PREX1: variants seen among roughly 807,000 people sequenced by gnomAD.
PREX1 encodes phosphatidylinositol-3,4,5-trisphosphate dependent Rac exchange factor 1.
PREX1 carries 41 observed loss-of-function variants against 198.3 expected under a neutral mutation model. The ratio of observed to expected loss-of-function variants is 0.21; its 90% CI spans 0.16 to 0.27. PREX1 has a LOEUF of 0.27. Among genes scored for constraint, PREX1 ranks in the 10% least tolerant of loss-of-function variants. PREX1 has a pLI of 1.00. For synonymous variants in PREX1, 843 were observed against 887.2 expected (o/e 0.95, Z 0.89); for missense variants, 1,620 against 2,200.7 (o/e 0.74, Z 5.28).
the PREX1 span, among the ~76,000 whole-genome samples, chr20:48,877,634 T>A: frequency 2.6e-5 from 4 of 152,230 alleles, no homozygotes; most frequent in Admixed American, 2.6e-4. Context: ...GTAGGCCCCA[T>A]GTCCATTTCA....
intron 1 of PREX1, among the ~76,000 whole-genome samples, chr20:48,804,511 T>C (rs1433525481): frequency 2.3e-4 from 35 of 152,196 alleles, no homozygotes; most frequent in South Asian, 2.1e-4. Context: ...GGCAGGAGTG[T>C]GCTGGGCACT....
chr20:48,711,105 G>A (rs769593366), intron 5 of PREX1, among the ~76,000 whole-genome samples: 1 of 152,214 alleles, frequency 6.6e-6, no homozygotes, highest in Non-Finnish European at 1.5e-5. Flanking sequence ...ATATAAAGTG[G>A]GAAGACCAGT....
At chr20:48,631,559 G>T (rs1229242577) in intron 35 of PREX1, among the ~76,000 whole-genome samples, 1 of 152,216 alleles carries the variant, frequency 6.6e-6, no homozygotes, top group East Asian at 1.9e-4. Context: ...TGACAGCCCT[G>T]ATCAATCCAA....
Position 48,666,434 on chromosome 20 carries a change from C to T in PREX1, c.1666-79G>A. On this transcript the variant is annotated intron_variant, in intron 14 of 39. Transcript: ENST00000371941. This position sits in a 1 kb window ranked among gnomAD's most constrained non-coding sequence, Gnocchi z 4.3. ...GCATGGCCAACGAGAAGCCCACAAC[C>T]ACCCAAGAAGGTAGGCTCCACGAGG... 2 of 1,251,534 alleles carry T rather than the reference C, an allele frequency of 1.6e-6. No homozygotes were observed. Among genetic ancestry groups the T allele is most frequent in the African/African-American group, 1.5e-5 (1 of 67,660 alleles). 77.5% of individuals were successfully genotyped at this position (1,251,534 alleles called of 1,614,324 possible).
At chr20:48,867,589 T>C in the PREX1 span, among the ~76,000 whole-genome samples, 1 of 152,244 alleles carries the variant, frequency 6.6e-6, no homozygotes, top group African/African-American at 2.4e-5. Context: ...TAATTGTATA[T>C]AAAATTAGCT....
chr20:48,682,999 G>C (rs781487539), intron 10 of PREX1, among the ~76,000 whole-genome samples: 1 of 152,308 alleles, frequency 6.6e-6, no homozygotes, highest in South Asian at 2.1e-4. Context: ...CATTCAGAAT[G>C]CCCTGGCTGG....
At chr20:48,781,712 G>T (rs1188209204) in intron 1 of PREX1, among the ~76,000 whole-genome samples, 2 of 152,156 alleles carry the variant, frequency 1.3e-5, no homozygotes, top group African/African-American at 4.8e-5. Flanking sequence ...GGAATCCTGG[G>T]TAAGGGACTC....
Position 48,649,288 on chromosome 20 carries a change from G to A in PREX1, c.3305+12C>T. 6.2e-7 allele frequency: 1 copy of A among 1,608,284 alleles called. No individual in the cohort carries two copies. The highest frequency in any genetic ancestry group is 8.5e-7 in the Non-Finnish European group (1 of 1,175,792). ...CCCCTGCTCACGCCGGACACCCCCGGCCAGCGCTCACCTGTTGATCTGGGT... is the reference window on the plus strand; with the variant it reads ...CCCCTGCTCACGCCGGACACCCCCGACCAGCGCTCACCTGTTGATCTGGGT... On this transcript the variant is annotated intron_variant, in intron 25 of 39. Coordinates refer to ENST00000371941, the MANE Select transcript of PREX1 (RefSeq NM_020820.4).
At chr20:48,762,905 G>A (rs2090189400) in intron 1 of PREX1, among the ~76,000 whole-genome samples, 2 of 152,160 alleles carry the variant, frequency 1.3e-5, no homozygotes, top group African/African-American at 4.8e-5. Context: ...GTTTCACTAT[G>A]TTGGCCATGC....
chr20:48,727,494 G>A (rs907643950), intron 4 of PREX1, among the ~76,000 whole-genome samples: 3 of 151,910 alleles, frequency 2.0e-5, no homozygotes, highest in Non-Finnish European at 4.4e-5. Flanking sequence ...ATCATCCATC[G>A]TAAACACTGA....
chr20:48,840,114 A>G, the PREX1 span, among the ~76,000 whole-genome samples: 1 of 152,242 alleles, frequency 6.6e-6, no homozygotes, highest in Non-Finnish European at 1.5e-5. Context: ...TCCCGGACTC[A>G]AGCCATCTTC....
chr20:48,868,111 C>T, the PREX1 span, among the ~76,000 whole-genome samples: 1 of 152,104 alleles, frequency 6.6e-6, no homozygotes, highest in African/African-American at 2.4e-5. Flanking sequence ...TTTCTTGAAA[C>T]ACTTCTTATA....
At chr20:48,876,501 G>C in the PREX1 span, among the ~76,000 whole-genome samples, 1 of 152,210 alleles carries the variant, frequency 6.6e-6, no homozygotes. Context: ...TTGCCAGCAA[G>C]GGGTCTGTGG....
At chr20:48,748,170 G>C in intron 1 of PREX1, among the ~76,000 whole-genome samples, 1 of 152,156 alleles carries the variant, frequency 6.6e-6, no homozygotes, top group South Asian at 2.1e-4. Context: ...TGCCTTCGAG[G>C]AACCTTTGGC....
At chr20:48,816,600 C>T (rs754117682) in intron 1 of PREX1, among the ~76,000 whole-genome samples, 1 of 152,048 alleles carries the variant, frequency 6.6e-6, no homozygotes, top group South Asian at 2.1e-4. Context: ...ACCTGCTGGC[C>T]GTGATGTGGC....
At chr20:48,713,650 T>A (rs536649187) in intron 5 of PREX1, among the ~76,000 whole-genome samples, 41 of 151,292 alleles carry the variant, frequency 2.7e-4, no homozygotes, top group Admixed American at 7.2e-4. Context: ...GGTGGGAGGA[T>A]CACTTGGGCC....
the PREX1 span, among the ~76,000 whole-genome samples, chr20:48,861,817 A>T: frequency 1.3e-5 from 2 of 152,026 alleles, no homozygotes; most frequent in Non-Finnish European, 2.9e-5. Flanking sequence ...ACTCCCTCTC[A>T]ATTTGTTGGG....
chr20:48,649,970 A>C, intron 24 of PREX1, 26 bp downstream of exon 24: 1 of 1,609,538 alleles, frequency 6.2e-7, no homozygotes, highest in Non-Finnish European at 8.5e-7. Context: ...ATCTGAACAC[A>C]GTTTCTAATA....
chr20:48,646,620 CGGAGG>C (rs1042743466), intron 25 of PREX1, among the ~76,000 whole-genome samples: 10 of 144,350 alleles, frequency 6.9e-5, no homozygotes, highest in Non-Finnish European at 1.2e-4. Flanking sequence ...ACCTGGGAGG[CGGAGG>C]TTGAAGTGAG....
Sources: gnomAD v4.1 joint callset for allele counts (sites outside exome capture counted in the v4.1 genomes callset) on GRCh38, gnomAD v4.1.1 for gene constraint, Gnocchi (gnomAD v3.1) non-coding constraint, MANE v1.5 for transcripts, NCBI Gene and HGNC (gene_info 2026-07-23, HGNC 2026-07-21) for gene names.